Variants in RALYL observed in about 807,000 individuals in gnomAD.
The protein encoded by RALYL is RALY RNA binding protein like.
In RALYL, 29 loss-of-function variants were observed where a neutral mutation model predicts 35.1. The ratio of observed to expected loss-of-function variants is 0.83; its 90% CI spans 0.61 to 1.13. The LOEUF is 1.13. RALYL is among the 50% of genes most tolerant of loss of function. RALYL has a pLI of 0.00. For missense variants in RALYL, 359 were observed against 360.4 expected, an observed-to-expected ratio of 1.00 and a Z score of 0.03; for synonymous variants, 120 against 127.6, an observed-to-expected ratio of 0.94 and a Z score of 0.40.
chr8:84,850,451 C>G (rs1404975700), intron 5 of RALYL, among the ~76,000 whole-genome samples: 1 of 152,138 alleles, frequency 6.6e-6, no homozygotes, highest in Admixed American at 6.5e-5. Context: ...CAGATCGTTC[C>G]TGCTTTGCAG....
rs564775642 is a variant in RALYL at position 84,297,978 on chromosome 8, G to T, written c.-24+113554G>T. Among the ~76,000 whole-genome samples, 7 of 152,160 alleles carry T rather than the reference G, an allele frequency of 4.6e-5. No individual in the cohort carries two copies. In the South Asian group the frequency reaches 1.4e-3, roughly 31 times the overall value. On this transcript the variant is annotated intron_variant, in intron 1 of 8. Transcript: ENST00000521268. ...GTTTGCAAATATTTTCTCCCATTCTGCAGGTTGTCAGCTTATTCTGTTGAT... is the reference window on the plus strand; with the variant it reads ...GTTTGCAAATATTTTCTCCCATTCTTCAGGTTGTCAGCTTATTCTGTTGAT...
chr8:84,690,905 T>A (rs1310034022), intron 2 of RALYL, among the ~76,000 whole-genome samples: 1 of 152,030 alleles, frequency 6.6e-6, no homozygotes, highest in African/African-American at 2.4e-5. Flanking sequence ...TTAAAATAAA[T>A]TTATCAGTGA....
At chr8:84,703,323 G>A (rs983607117) in intron 2 of RALYL, among the ~76,000 whole-genome samples, 1 of 152,114 alleles carries the variant, frequency 6.6e-6, no homozygotes, top group Non-Finnish European at 1.5e-5. Flanking sequence ...GGATTGAGGA[G>A]CTGGAAATTG....
intron 2 of RALYL, among the ~76,000 whole-genome samples, chr8:84,664,469 G>T (rs1326690586): frequency 6.6e-6 from 1 of 151,880 alleles, no homozygotes; most frequent in African/African-American, 2.4e-5. Flanking sequence ...CATGAGCATG[G>T]AATGTGTTTC....
chr8:84,430,457 A>G (rs902918882), intron 1 of RALYL, among the ~76,000 whole-genome samples: 12 of 152,226 alleles, frequency 7.9e-5, no homozygotes, highest in Admixed American at 5.2e-4. Context: ...GTTCAAATAG[A>G]GGAAAGAAAG....
At chr8:84,616,517 A>G (rs1271537498) in intron 2 of RALYL, among the ~76,000 whole-genome samples, 31 of 148,964 alleles carry the variant, frequency 2.1e-4, no homozygotes, top group Non-Finnish European at 3.6e-4. Context: ...AGTAGGTTGC[A>G]AAAATTTTCT....
At chr8:84,344,841 A>G (rs1849517382) in intron 1 of RALYL, among the ~76,000 whole-genome samples, 1 of 152,038 alleles carries the variant, frequency 6.6e-6, no homozygotes, top group Non-Finnish European at 1.5e-5. Context: ...AATGTCTTCC[A>G]GGTTCATTCA....
chr8:84,860,592 T>C (rs562704327), intron 5 of RALYL, among the ~76,000 whole-genome samples: 1 of 152,170 alleles, frequency 6.6e-6, no homozygotes, highest in South Asian at 2.1e-4. Flanking sequence ...ATGGATGATA[T>C]TCATAACCCT....
At chr8:84,855,148 C>A (rs1456918220) in intron 5 of RALYL, among the ~76,000 whole-genome samples, 1 of 152,166 alleles carries the variant, frequency 6.6e-6, no homozygotes, top group Non-Finnish European at 1.5e-5. Context: ...CTTGCTCCAA[C>A]CTTGCAGTCT....
At chr8:84,566,829 A>G (rs2061816042) in intron 2 of RALYL, among the ~76,000 whole-genome samples, 1 of 151,688 alleles carries the variant, frequency 6.6e-6, no homozygotes, top group Non-Finnish European at 1.5e-5. Context: ...AATTATTGAA[A>G]CTTGGCCCCA....
intron 4 of RALYL, among the ~76,000 whole-genome samples, chr8:84,823,829 A>T (rs909989637): frequency 2.0e-5 from 3 of 151,816 alleles, no homozygotes; most frequent in Non-Finnish European, 4.4e-5. Context: ...TTCTTCATTT[A>T]AAAAATGCAT....
chr8:84,489,392 AC>A (rs2055004560), intron 1 of RALYL, among the ~76,000 whole-genome samples: 1 of 152,064 alleles, frequency 6.6e-6, no homozygotes, highest in Non-Finnish European at 1.5e-5. Context: ...TAGATCTAAG[AC>A]GAATGTTTAG....
intron 2 of RALYL, among the ~76,000 whole-genome samples, chr8:84,718,359 T>C (rs1176051120): frequency 6.6e-6 from 1 of 152,230 alleles, no homozygotes; most frequent in African/African-American, 2.4e-5. Context: ...TCTGGGTCAG[T>C]TTCATTATTA....
intron 2 of RALYL, among the ~76,000 whole-genome samples, chr8:84,717,713 C>T (rs1348881778): frequency 6.6e-6 from 1 of 152,122 alleles, no homozygotes; most frequent in Admixed American, 6.6e-5. Flanking sequence ...TCTGGAATTG[C>T]ATAAGATGCA....
intron 6 of RALYL, among the ~76,000 whole-genome samples, chr8:84,866,018 T>C (rs973105694): frequency 2.0e-5 from 3 of 152,200 alleles, no homozygotes; most frequent in African/African-American, 7.2e-5. Flanking sequence ...AGAAATAATA[T>C]TAATACTCAG....
intron 2 of RALYL, among the ~76,000 whole-genome samples, chr8:84,663,882 A>G (rs1224793585): frequency 3.9e-5 from 6 of 151,962 alleles, no homozygotes; most frequent in African/African-American, 1.5e-4. Context: ...TCATCATGAA[A>G]TCTTTGCTGT....
chr8:84,555,649 C>T (rs997631712), intron 2 of RALYL, among the ~76,000 whole-genome samples: 5 of 152,174 alleles, frequency 3.3e-5, no homozygotes, highest in African/African-American at 7.2e-5. Flanking sequence ...TTTAATAATA[C>T]GTTCTAAAGT....
chr8:84,299,577 A>G (rs1021562498), intron 1 of RALYL, among the ~76,000 whole-genome samples: 1 of 151,842 alleles, frequency 6.6e-6, no homozygotes, highest in Non-Finnish European at 1.5e-5. Flanking sequence ...GTAGAATTCA[A>G]CTGTGAATCT....
intron 8 of RALYL, among the ~76,000 whole-genome samples, chr8:84,917,974 G>GTGGC (rs1848739720): frequency 1.3e-5 from 2 of 152,054 alleles, no homozygotes; most frequent in South Asian, 4.1e-4. Context: ...AAAAGTGTGA[G>GTGGC]TGGCTGAATG....
Sources: gnomAD v4.1 joint callset for allele counts (sites outside exome capture counted in the v4.1 genomes callset) on GRCh38, gnomAD v4.1.1 for gene constraint, MANE v1.5 for transcripts, NCBI Gene and HGNC (gene_info 2026-07-23, HGNC 2026-07-21) for gene names.